Variants in NMT2 observed in about 807,000 individuals in gnomAD.
NMT2 encodes N-myristoyltransferase 2.
A neutral mutation model predicts 65.4 loss-of-function variants in NMT2; 35 were observed. That is an observed-to-expected ratio of 0.54 (90% CI 0.41 to 0.71). The LOEUF (loss-of-function observed/expected upper bound fraction) is 0.71. Ranked by LOEUF, NMT2 falls within the 30% of genes least tolerant of loss-of-function variation. NMT2 has a pLI of 0.00. For missense variants in NMT2, 489 were observed against 611.3 expected (o/e 0.80, Z 2.11); for synonymous variants, 226 against 231.8 (o/e 0.98, Z 0.23).
intron 8 of NMT2, among the ~76,000 whole-genome samples, chr10:15,127,560 AAAAAAAAAAATAAAT>A (rs1191677074): frequency 2.1e-5 from 2 of 95,136 alleles, no homozygotes; most frequent in East Asian, 5.1e-4. Flanking sequence ...AAAAAAAAAA[AAAAAAAAAAATAAAT>A]AAATAAATAA....
At chr10:15,135,603 T>C (rs1846454990) in intron 2 of NMT2, among the ~76,000 whole-genome samples, 185 bp from the exon 3 acceptor site, 1 of 152,158 alleles carries the variant, frequency 6.6e-6, no homozygotes, top group African/African-American at 2.4e-5. Context: ...CTGTTAAAGG[T>C]AACAACAGTT....
At chr10:15,153,938 C>T (rs1312860896) in intron 1 of NMT2, among the ~76,000 whole-genome samples, 2 of 152,204 alleles carry the variant, frequency 1.3e-5, no homozygotes, top group Non-Finnish European at 2.9e-5. Flanking sequence ...AGGCGTGAGC[C>T]GCCGCACCTG....
intron 9 of NMT2, among the ~76,000 whole-genome samples, chr10:15,115,484 C>T (rs1205658660): frequency 6.6e-6 from 1 of 151,976 alleles, no homozygotes; most frequent in Non-Finnish European, 1.5e-5. Context: ...AAAACAGTAT[C>T]CTAAAATATA....
At chr10:15,135,138 T>G (rs1846430166) in intron 3 of NMT2, 136 bp downstream of exon 3, 1 of 917,734 alleles carries the variant, frequency 1.1e-6, no homozygotes, top group South Asian at 1.4e-5. Flanking sequence ...TTGCATAGAT[T>G]TCCAATCTGT....
intron 10 of NMT2, among the ~76,000 whole-genome samples, chr10:15,110,194 G>C (rs1845461035): frequency 6.6e-6 from 1 of 152,028 alleles, no homozygotes; most frequent in South Asian, 2.1e-4. Context: ...AACTGCTTGA[G>C]CCTGGGAGGT....
chr10:15,138,373 A>C, intron 2 of NMT2: 1 of 471,152 alleles, frequency 2.1e-6, no homozygotes, highest in Non-Finnish European at 4.4e-6. Context: ...ACAGGGACAA[A>C]GCAGTAAGGG....
At chr10:15,154,951 A>G (rs773551625) in intron 1 of NMT2, 1 of 1,096,148 alleles carries the variant, frequency 9.1e-7, no homozygotes, top group Non-Finnish European at 1.4e-6. Flanking sequence ...TTGGCAGTGC[A>G]GATGAAAATC....
chr10:15,140,150 C>T (rs910641473), intron 2 of NMT2, among the ~76,000 whole-genome samples: 2 of 151,936 alleles, frequency 1.3e-5, no homozygotes, highest in Admixed American at 1.3e-4. Flanking sequence ...GATTGATTGA[C>T]ATGGTCTCTG....
At chr10:15,144,431 A>T (rs1846885961) in intron 1 of NMT2, among the ~76,000 whole-genome samples, 1 of 152,114 alleles carries the variant, frequency 6.6e-6, no homozygotes. Context: ...GGATAATTAT[A>T]ATCAAAAAGA....
At chr10:15,133,403 C>G (rs184908046) in intron 3 of NMT2, 40 bp from the exon 4 acceptor site, 4 of 1,459,292 alleles carry the variant, frequency 2.7e-6, no homozygotes, top group Non-Finnish European at 3.8e-6. Context: ...AGGCAAAAAG[C>G]GAGAATATTA....
intron 11 of NMT2, 27 bp from the exon 12 acceptor site, chr10:15,109,242 T>C (rs1295283180): frequency 1.2e-6 from 2 of 1,603,110 alleles, no homozygotes; most frequent in South Asian, 2.2e-5. Context: ...AATGGAATAG[T>C]AAGAAAAATT....
At chr10:15,152,898 A>G (rs968137406) in intron 1 of NMT2, among the ~76,000 whole-genome samples, 2 of 152,232 alleles carry the variant, frequency 1.3e-5, no homozygotes, top group African/African-American at 4.8e-5. Flanking sequence ...TGATACATGT[A>G]CAAGGATATT....
intron 1 of NMT2, chr10:15,154,728 G>T: frequency 1.8e-6 from 1 of 561,358 alleles, no homozygotes; most frequent in Admixed American, 2.2e-5. Context: ...CGAGCAAATG[G>T]GGTGGAGGGT....
In NMT2 at chr10:15,141,406, A is replaced by G. The variant is rs1441562626; in HGVS notation, c.246+16T>C. 1.2e-6 allele frequency: 2 copies of G among 1,613,434 alleles called. No individual in the cohort carries two copies. On this transcript the variant is annotated intron_variant, in intron 2 of 11. Transcript: ENST00000378165. ...CGAGAAACCACACAGAGGAAAAAAT[A>G]AAACAGAGCTCTCACTTTCGAAGGC...
chr10:15,132,311 T>C (rs540620097), intron 6 of NMT2, among the ~76,000 whole-genome samples: 1 of 152,202 alleles, frequency 6.6e-6, no homozygotes, highest in Non-Finnish European at 1.5e-5. Context: ...AATTTATATT[T>C]TAAAACAGTT....
At chr10:15,126,342 T>C (rs1304617423) in intron 8 of NMT2, among the ~76,000 whole-genome samples, 3 of 151,422 alleles carry the variant, frequency 2.0e-5, no homozygotes, top group African/African-American at 7.3e-5. Flanking sequence ...GGCAGGAGAA[T>C]TGCTTGAACT....
chr10:15,154,363 C>G (rs1459674111), intron 1 of NMT2, among the ~76,000 whole-genome samples: 1 of 152,160 alleles, frequency 6.6e-6, no homozygotes. Context: ...AGCCAATTGA[C>G]CTGACTCAGG....
At chr10:15,125,417 T>C (rs1175512480) in intron 8 of NMT2, among the ~76,000 whole-genome samples, 1 of 152,202 alleles carries the variant, frequency 6.6e-6, no homozygotes, top group South Asian at 2.1e-4. Flanking sequence ...AAGTCAAAAA[T>C]AGCTTTAGCA....
At chr10:15,118,248 C>T (rs1845809974) in intron 9 of NMT2, among the ~76,000 whole-genome samples, 1 of 152,092 alleles carries the variant, frequency 6.6e-6, no homozygotes, top group African/African-American at 2.4e-5. Context: ...TATAAAAAAC[C>T]TTTCACGGGC....
Sources: gnomAD v4.1 joint callset for allele counts (sites outside exome capture counted in the v4.1 genomes callset) on GRCh38, gnomAD v4.1.1 for gene constraint, MANE v1.5 for transcripts, NCBI Gene and HGNC (gene_info 2026-07-23, HGNC 2026-07-21) for gene names.